CLIP1: variants seen among roughly 807,000 people sequenced by gnomAD.
CLIP1 encodes CAP-Gly domain-containing linker protein 1.
A neutral mutation model predicts 161.6 loss-of-function variants in CLIP1; 66 were observed. The observed-to-expected ratio is 0.41, with a 90% CI of 0.33 to 0.50. CLIP1 has a LOEUF of 0.50. CLIP1 is among the 20% of genes least tolerant of loss of function. The pLI is 0.27. For synonymous variants in CLIP1, 598 were observed against 626.2 expected, an observed-to-expected ratio of 0.96 and a Z score of 0.67; for missense variants, 1,376 against 1,702.0, an observed-to-expected ratio of 0.81 and a Z score of 3.37.
At chr12:122,352,457 C>A (rs1228202012) in intron 8 of CLIP1, among the ~76,000 whole-genome samples, 8 of 152,084 alleles carry the variant, frequency 5.3e-5, no homozygotes, top group Non-Finnish European at 2.9e-5. Context: ...GGACACACTG[C>A]CAGATTTATG....
At chr12:122,309,697 C>T (rs1950997919) in intron 20 of CLIP1, 65 bp downstream of exon 20, 5 of 1,591,368 alleles carry the variant, frequency 3.1e-6, no homozygotes, top group Admixed American at 1.7e-5. Flanking sequence ...GGCCTCTGAG[C>T]GTGCTGCCAA....
chr12:122,318,557 CAAAA>C (rs1301824521), intron 18 of CLIP1, among the ~76,000 whole-genome samples: 1 of 151,906 alleles, frequency 6.6e-6, no homozygotes, highest in Non-Finnish European at 1.5e-5. Flanking sequence ...CAAAACAAAA[CAAAA>C]AAAGCAACAA....
chr12:122,358,006 G>A (rs1270909273), intron 5 of CLIP1, among the ~76,000 whole-genome samples: 1 of 152,190 alleles, frequency 6.6e-6, no homozygotes, highest in East Asian at 1.9e-4. Flanking sequence ...AGGGGGGAAA[G>A]GTGGGGAAAA....
intron 4 of CLIP1, among the ~76,000 whole-genome samples, chr12:122,363,456 A>G (rs528534594): frequency 1.3e-5 from 2 of 151,460 alleles, no homozygotes; most frequent in African/African-American, 4.8e-5. Flanking sequence ...AGATGGCGCC[A>G]CTGCACTCCA....
chr12:122,276,643 T>G (rs1260141002), intron 24 of CLIP1: 13 of 366,046 alleles, frequency 3.6e-5, no homozygotes, highest in Non-Finnish European at 5.3e-5. Context: ...TCAAGGTGAG[T>G]TTTTCTTTTA....
chr12:122,327,070 G>C (rs1038750881), intron 17 of CLIP1, among the ~76,000 whole-genome samples: 1 of 152,100 alleles, frequency 6.6e-6, no homozygotes, highest in African/African-American at 2.4e-5. Context: ...AATAAAGAAA[G>C]GTGAATATTT....
At chr12:122,293,002 CAAAA>C (rs57326141) in intron 20 of CLIP1, among the ~76,000 whole-genome samples, 14 of 43,578 alleles carry the variant, frequency 3.2e-4, no homozygotes, top group African/African-American at 9.1e-4. Context: ...GACTCTGTCT[CAAAA>C]AAAAAAAAAA....
chr12:122,287,853 T>G (rs1406642096), intron 21 of CLIP1, among the ~76,000 whole-genome samples: 1 of 152,204 alleles, frequency 6.6e-6, no homozygotes, highest in African/African-American at 2.4e-5. Context: ...AATCAGTATT[T>G]ATATCCAGAT....
intron 3 of CLIP1, among the ~76,000 whole-genome samples, chr12:122,373,890 A>C (rs973771793): frequency 1.3e-5 from 2 of 152,228 alleles, no homozygotes; most frequent in African/African-American, 4.8e-5. Context: ...ATTATAGACA[A>C]ACCTCACAAA....
In CLIP1 at chr12:122,355,129, C is replaced by T. The variant is rs758749763; in HGVS notation, c.1189G>A (p.Asp397Asn). 122 of 1,614,016 alleles carry T rather than the reference C, an allele frequency of 7.6e-5. 1 individual carries two copies. In the South Asian group the frequency reaches 1.2e-3, roughly 16 times the overall value. Residue 397 changes from aspartate to asparagine, a missense_variant, in exon 6 of 26, where the codon GAC (aspartate) becomes AAC (asparagine). Asp to Asn is a conservative substitution (Grantham distance 23). Around this residue, in one of 6 missense-constraint regions of CLIP1, gnomAD observed 211 missense variants for 295.1 expected, o/e 0.72. Coordinates refer to ENST00000620786, the MANE Select transcript of CLIP1 (RefSeq NM_001247997.2). The surrounding 1 kb of genome is among the most constrained non-coding windows in gnomAD (Gnocchi z 4.1). ...EIEQELALARDGHDQHVLELE... is the reference protein window; with the variant it reads ...EIEQELALARNGHDQHVLELE... Reference sequence around the variant, plus strand: ...CCAGACTTCACCTGGTCATGTCCGTCCCGGGCCAGAGCTAGCTCCTGCTCT... The same window carrying T: ...CCAGACTTCACCTGGTCATGTCCGTTCCGGGCCAGAGCTAGCTCCTGCTCT...
intron 1 of CLIP1, among the ~76,000 whole-genome samples, chr12:122,418,767 A>C (rs1341461800): frequency 6.9e-6 from 1 of 145,674 alleles, no homozygotes; most frequent in Admixed American, 6.7e-5. Context: ...TGTGTCTAAA[A>C]AAATAAAATA....
At position 122,328,392 on chromosome 12, in the gene CLIP1, C is replaced by T. The variant is rs748421205; in HGVS notation, c.2902G>A (p.Ala968Thr). Reference sequence around the variant, plus strand: ...TGCAGAAAACTTGCATTTTCATTAGCCTTTGTAAGTTTTAGCTGTAATTCT... The same window carrying T: ...TGCAGAAAACTTGCATTTTCATTAGTCTTTGTAAGTTTTAGCTGTAATTCT... ...VEELQLKLTKANENASFLQKS... is the reference protein window; with the variant it reads ...VEELQLKLTKTNENASFLQKS... The change falls in exon 16 of 26, where the codon GCT (alanine) becomes ACT (threonine). Residue 968 changes from alanine to threonine, a missense_variant. Coordinates refer to ENST00000620786, the MANE Select transcript of CLIP1 (RefSeq NM_001247997.2). 1.2e-6 allele frequency: 2 copies of T among 1,609,578 alleles called. No homozygotes were observed. The highest frequency in any genetic ancestry group is 1.1e-5 in the South Asian group (1 of 89,520).
chr12:122,409,993 C>T lies in CLIP1; in HGVS notation c.-107+12528G>A, dbSNP rs532151566. Reference sequence around the variant, plus strand: ...TCACGCCATTCTCCTGCCTCAGCCTCCCGAGTAGCTGGGACTACAGGCGCC... The same window carrying T: ...TCACGCCATTCTCCTGCCTCAGCCTTCCGAGTAGCTGGGACTACAGGCGCC... On this transcript the variant is annotated intron_variant, in intron 1 of 25. Coordinates refer to ENST00000620786, the MANE Select transcript of CLIP1 (RefSeq NM_001247997.2). 3.2e-4 allele frequency among the ~76,000 whole-genome samples: 48 copies of T among 151,774 alleles called. No individual in the cohort carries two copies. The South Asian group carries it at 1.0e-2, about 32-fold the overall frequency.
chr12:122,327,857 C>G, intron 17 of CLIP1, 90 bp downstream of exon 17: 1 of 1,235,532 alleles, frequency 8.1e-7, no homozygotes, highest in East Asian at 2.3e-5. Flanking sequence ...TTAACTTTTC[C>G]CACTGGCTGC....
intron 1 of CLIP1, among the ~76,000 whole-genome samples, chr12:122,391,812 G>T (rs1341686273): frequency 6.6e-6 from 1 of 152,148 alleles, no homozygotes; most frequent in Admixed American, 6.6e-5. Context: ...GCACCTGGGG[G>T]ATGTTTCAAA....
intron 11 of CLIP1, among the ~76,000 whole-genome samples, chr12:122,340,285 G>A (rs139944743): frequency 1.3e-5 from 2 of 152,132 alleles, no homozygotes; most frequent in Admixed American, 6.5e-5. Flanking sequence ...TCACTATGTT[G>A]GCCAGGCTGA....
intron 12 of CLIP1, among the ~76,000 whole-genome samples, chr12:122,335,939 T>G (rs911132029): frequency 3.9e-5 from 6 of 152,180 alleles, no homozygotes; most frequent in African/African-American, 1.4e-4. Flanking sequence ...TCGTCTAGTT[T>G]CTCCATAAGC....
intron 2 of CLIP1, among the ~76,000 whole-genome samples, chr12:122,379,887 T>G (rs1486916570): frequency 7.1e-6 from 1 of 140,234 alleles, no homozygotes; most frequent in African/African-American, 2.7e-5. Context: ...GAGGTTGCAG[T>G]GAGCCGAGAT....
intron 24 of CLIP1, 182 bp downstream of exon 24, chr12:122,277,972 T>C (rs1197025850): frequency 4.8e-6 from 3 of 631,108 alleles, no homozygotes; most frequent in Non-Finnish European, 8.3e-6. Flanking sequence ...GAGAGAAGGT[T>C]TGGAGGAAGA....
Sources: allele counts gnomAD v4.1 joint callset (sites outside exome capture counted in the v4.1 genomes callset), GRCh38; gene constraint gnomAD v4.1.1; regional missense constraint gnomAD v4.1.1; non-coding constraint Gnocchi (gnomAD v3.1); transcripts MANE v1.5; gene names NCBI Gene and HGNC (gene_info 2026-07-23, HGNC 2026-07-21).